The following NOX3 variants were observed in gnomAD, a reference collection of about 807,000 sequenced individuals.
NOX3 encodes NADPH oxidase catalytic subunit-like 3.
A neutral mutation model predicts 76.7 loss-of-function variants in NOX3; 74 were observed. That is an observed-to-expected ratio of 0.96 (90% CI 0.80 to 1.17). The LOEUF is 1.17. NOX3 is among the 50% of genes most tolerant of loss of function. The pLI is 0.00. For synonymous variants in NOX3, 263 were observed against 261.1 expected, an observed-to-expected ratio of 1.01 and a Z score of -0.07; for missense variants, 695 against 703.3, an observed-to-expected ratio of 0.99 and a Z score of 0.13.
intron 9 of NOX3, among the ~76,000 whole-genome samples, chr6:155,425,788 T>A (rs1247154991): frequency 1.3e-5 from 2 of 152,232 alleles, no homozygotes; most frequent in Non-Finnish European, 2.9e-5. Flanking sequence ...TCTCACAGTG[T>A]GGGCCCCAGC....
At chr6:155,417,225 A>G (rs1389954315) in intron 10 of NOX3, among the ~76,000 whole-genome samples, 1 of 152,196 alleles carries the variant, frequency 6.6e-6, no homozygotes, top group African/African-American at 2.4e-5. Flanking sequence ...CCTTCTACAC[A>G]CACACACCCC....
In NOX3 at chr6:155,397,024, A is replaced by C. The variant is rs17086245; in HGVS notation, c.1581-62T>G. 1.9e-3 allele frequency: 2,838 copies of C among 1,486,130 alleles called. 57 individuals carry two copies. In the African/African-American group the frequency reaches 0.036, roughly 19 times the overall value. 92.1% of individuals were successfully genotyped at this position (1,486,130 alleles called of 1,614,324 possible). ...CAGGAGGCAAGGCCAGCCAGAAGCCAAGACAATGATAAGATTAATGAAGTG... is the reference window on the plus strand; with the variant it reads ...CAGGAGGCAAGGCCAGCCAGAAGCCCAGACAATGATAAGATTAATGAAGTG... On this transcript the variant is annotated intron_variant, in intron 12 of 13. Transcript: ENST00000159060.
intron 12 of NOX3, among the ~76,000 whole-genome samples, chr6:155,404,345 T>A (rs1779276804): frequency 6.6e-6 from 1 of 152,006 alleles, no homozygotes; most frequent in African/African-American, 2.4e-5. Context: ...GAGCAGGAGC[T>A]CAGAGGAACC....
At chr6:155,450,679 T>A (rs1777122237) in intron 4 of NOX3, among the ~76,000 whole-genome samples, 1 of 152,116 alleles carries the variant, frequency 6.6e-6, no homozygotes, top group African/African-American at 2.4e-5. Flanking sequence ...TCTCACCCAT[T>A]TAGCACCATG....
chr6:155,411,172 T>C, intron 11 of NOX3, 42 bp downstream of exon 11: 1 of 1,570,262 alleles, frequency 6.4e-7, no homozygotes, highest in Non-Finnish European at 8.7e-7. Context: ...TGCTATTAGA[T>C]GAGTTCAGCA....
At chr6:155,416,678 T>C (rs1414678900) in intron 10 of NOX3, among the ~76,000 whole-genome samples, 1 of 151,980 alleles carries the variant, frequency 6.6e-6, no homozygotes, top group Non-Finnish European at 1.5e-5. Context: ...TGATCTCTTT[T>C]GGGCCTCCGT....
At position 155,396,869 on chromosome 6, in the gene NOX3, A is replaced by T; in HGVS notation, c.1674T>A (p.Gly558=). The T allele has an allele frequency of 6.2e-7, 1 of 1,612,420 alleles. No individual in the cohort carries two copies. Among genetic ancestry groups the T allele is most frequent in the Admixed American group, 1.7e-5 (1 of 59,888 alleles). Residue 558 remains glycine (G), a synonymous_variant, in exon 13 of 14, where the codon GGT becomes GGA. Coordinates refer to ENST00000159060, the MANE Select transcript of NOX3 (RefSeq NM_015718.3). ...TCTCCTTGTTGTAATAGAAATGAAC[A>T]CCTCTGGGGTCAGCTGATGAATACA... ...CHLYSSADPR[G]VHFYYNKESF
At chr6:155,414,627 T>TAC (rs1296917261) in intron 10 of NOX3, among the ~76,000 whole-genome samples, 1 of 131,038 alleles carries the variant, frequency 7.6e-6, no homozygotes, top group African/African-American at 2.8e-5. Flanking sequence ...TTCTTTCTTT[T>TAC]TTTTTTTTTT....
chr6:155,417,329 A>G (rs1776633794), intron 10 of NOX3, among the ~76,000 whole-genome samples: 1 of 152,184 alleles, frequency 6.6e-6, no homozygotes, highest in Non-Finnish European at 1.5e-5. Flanking sequence ...TGAGTTTCTT[A>G]GGGAGCAAAG....
intron 12 of NOX3, among the ~76,000 whole-genome samples, chr6:155,403,106 A>T (rs1779256505): frequency 6.6e-6 from 1 of 152,220 alleles, no homozygotes; most frequent in South Asian, 2.1e-4. Context: ...TTTCATTTAC[A>T]TCTGGACAAA....
At chr6:155,401,890 T>C (rs946019743) in intron 12 of NOX3, among the ~76,000 whole-genome samples, 3 of 151,914 alleles carry the variant, frequency 2.0e-5, no homozygotes, top group Admixed American at 6.6e-5. Context: ...AACAGATAGG[T>C]CAAAAGTAGA....
intron 9 of NOX3, among the ~76,000 whole-genome samples, chr6:155,423,629 T>C (rs963252264): frequency 6.6e-6 from 1 of 152,182 alleles, no homozygotes; most frequent in African/African-American, 2.4e-5. Context: ...GAGATATTAA[T>C]ATTCTTAAAA....
In NOX3 at chr6:155,428,834, C is replaced by A; in HGVS notation, c.1105G>T (p.Ala369Ser). Reference protein sequence around the residue: ...WTAALLEAFGAEGQALQEPWS... With the variant: ...WTAALLEAFGSEGQALQEPWS... Reference sequence around the variant, plus strand: ...GGCTCCTGGAGGGCCTGTCCCTCTGCCCCAAAGGCCTCCAGTAGCGCTGCT... The same window carrying A: ...GGCTCCTGGAGGGCCTGTCCCTCTGACCCAAAGGCCTCCAGTAGCGCTGCT... Residue 369 changes from alanine to serine, a missense_variant, in exon 9 of 14, where the codon GCA (alanine) becomes TCA (serine). Transcript: ENST00000159060. 1 of 1,578,920 alleles carries A rather than the reference C, an allele frequency of 6.3e-7. No homozygotes were observed. Among genetic ancestry groups the A allele is most frequent in the South Asian group, 1.2e-5 (1 of 86,418 alleles).
At chr6:155,397,015 C>A in intron 12 of NOX3, 53 bp from the exon 13 acceptor site, 2 of 1,528,348 alleles carry the variant, frequency 1.3e-6, no homozygotes, top group Non-Finnish European at 8.8e-7. Context: ...GCAAGGCCAG[C>A]CAGAAGCCAA....
intron 6 of NOX3, among the ~76,000 whole-genome samples, chr6:155,436,915 T>G (rs939780919): frequency 6.6e-6 from 1 of 152,226 alleles, no homozygotes; most frequent in African/African-American, 2.4e-5. Context: ...TGGCTAACTT[T>G]GTACTATTTG....
intron 7 of NOX3, among the ~76,000 whole-genome samples, chr6:155,435,982 G>T (rs1162212897): frequency 1.3e-5 from 2 of 152,310 alleles, no homozygotes; most frequent in Non-Finnish European, 1.5e-5. Flanking sequence ...AAGAAAGAAG[G>T]CAAGCTTATA....
intron 9 of NOX3, 29 bp downstream of exon 9, chr6:155,428,765 A>G (rs1776791242): frequency 1.4e-6 from 2 of 1,463,536 alleles, no homozygotes; most frequent in Non-Finnish European, 1.8e-6. Context: ...TAATACTGCA[A>G]TTTATACATG....
chr6:155,413,913 T>A (rs1295755218), intron 10 of NOX3, among the ~76,000 whole-genome samples: 1 of 152,254 alleles, frequency 6.6e-6, no homozygotes, highest in East Asian at 1.9e-4. Context: ...CTAGTCCCAG[T>A]CGTCCTTTCT....
intron 12 of NOX3, among the ~76,000 whole-genome samples, chr6:155,402,136 A>G (rs567908646): frequency 1.3e-5 from 2 of 152,342 alleles, no homozygotes; most frequent in South Asian, 2.1e-4. Context: ...TTGTGAACGT[A>G]TTGACAATGT....
Sources: gnomAD v4.1 joint callset for allele counts (sites outside exome capture counted in the v4.1 genomes callset) on GRCh38, gnomAD v4.1.1 for gene constraint, MANE v1.5 for transcripts, NCBI Gene and HGNC (gene_info 2026-07-23, HGNC 2026-07-21) for gene names.